PHF6: variants seen among roughly 807,000 people sequenced by gnomAD.
PHF6 encodes the protein PHD-like zinc finger protein.
A neutral mutation model predicts 34.0 loss-of-function variants in PHF6; 7 were observed. That is an observed-to-expected ratio of 0.21 (90% CI 0.12 to 0.39). The LOEUF (loss-of-function observed/expected upper bound fraction) is 0.39, where lower values mean the gene tolerates loss of function less well. PHF6 is among the 10% of genes least tolerant of loss of function. PHF6 has a pLI of 1.00. For synonymous variants in PHF6, 89 were observed against 88.4 expected, an observed-to-expected ratio of 1.01 and a Z score of -0.04; for missense variants, 128 against 262.8, an observed-to-expected ratio of 0.49 and a Z score of 3.55.
At chrX:134,399,097 A>G (rs1280417092) in intron 5 of PHF6, among the ~76,000 whole-genome samples, 3 of 111,366 alleles carry the variant, frequency 2.7e-5, no homozygotes, top group African/African-American at 6.5e-5. Flanking sequence ...GTAGGAGGAA[A>G]GTCAGATTAG....
chrX:134,404,485 T>C (rs2077414892), intron 5 of PHF6, among the ~76,000 whole-genome samples: 1 of 112,165 alleles, frequency 8.9e-6, no homozygotes, highest in Non-Finnish European at 1.9e-5. Context: ...GAAGATGCTG[T>C]GAACATTGTT....
At chrX:134,413,354 T>C in intron 5 of PHF6, 137 bp from the exon 6 acceptor site, 1 of 543,272 alleles carries the variant, frequency 1.8e-6, no homozygotes, top group Non-Finnish European at 2.9e-6. Flanking sequence ...GGTGGCTTTA[T>C]TGAACATACC....
intron 9 of PHF6, chrX:134,419,524 T>A (rs940007599): frequency 8.9e-6 from 1 of 111,797 alleles, no homozygotes; most frequent in East Asian, 2.8e-4. Context: ...AAGTAACGAG[T>A]GCTCTTGGTA....
At chrX:134,394,300 A>T (rs1167886541) in intron 5 of PHF6, among the ~76,000 whole-genome samples, 1 of 109,696 alleles carries the variant, frequency 9.1e-6, no homozygotes, top group East Asian at 2.9e-4. Context: ...TGCCCAGCTA[A>T]TTTTTGTATT....
At chrX:134,414,916 ATCTT>A (rs368361985) in intron 7 of PHF6, 96 bp from the exon 8 acceptor site, 9 of 657,020 alleles carry the variant, frequency 1.4e-5, no homozygotes, top group African/African-American at 8.9e-5. Context: ...AGGAAAGATT[ATCTT>A]TCTTCGGAAA....
At chrX:134,410,955 CTTT>C (rs768638503) in intron 5 of PHF6, among the ~76,000 whole-genome samples, 2 of 90,576 alleles carry the variant, frequency 2.2e-5, no homozygotes, top group Non-Finnish European at 2.2e-5. Context: ...TAACTTACCA[CTTT>C]TTTTTTTTTT....
chrX:134,418,019 A>C (rs1411766242), intron 9 of PHF6: 2 of 111,982 alleles, frequency 1.8e-5, no homozygotes. Context: ...AAGAAGGAAG[A>C]GCTAACCTAG....
At position 134,428,651 on chromosome X, in the gene PHF6, T is replaced by G. The variant is rs1156408816; in HGVS notation, c.*2991T>G. The G allele has an allele frequency of 6.8e-6, 1 of 147,365 alleles. No homozygotes were observed. Among genetic ancestry groups the G allele is most frequent in the African/African-American group, 3.1e-5 (1 of 32,544 alleles). The allele number at this position is 147,365 out of a possible 1,213,427, so 12.1% of individuals were successfully genotyped here. A position where few individuals can be genotyped will look rare whatever the true frequency, so the allele number is the denominator to read the frequency against. ...TAAGGAATGCATTATGGGTCAAAAA[T>G]CAAACATTCCTCTCATGTTATGTAT... On this transcript the variant is annotated 3_prime_UTR_variant, in exon 11 of 11. Transcript: ENST00000370803.
chrX:134,376,627 A>G (rs2077279118), intron 1 of PHF6, among the ~76,000 whole-genome samples: 1 of 111,946 alleles, frequency 8.9e-6, no homozygotes, highest in Admixed American at 9.5e-5. Flanking sequence ...CCTTTACACA[A>G]TATTACTAAT....
chrX:134,405,546 G>A (rs1264751188), intron 5 of PHF6, among the ~76,000 whole-genome samples: 1 of 111,442 alleles, frequency 9.0e-6, no homozygotes, highest in East Asian at 2.8e-4. Flanking sequence ...ACTGTGTTAG[G>A]CATTGTGTAT....
At position 134,427,919 on chromosome X, in the gene PHF6, C is replaced by T. The variant is rs1204828639; in HGVS notation, c.*2259C>T. On this transcript the variant is annotated 3_prime_UTR_variant, in exon 11 of 11. Transcript: ENST00000370803. Reference sequence around the variant, plus strand: ...ATCATCATCTTCTGGGTAGTAATTACATTGTGGTATTAATATTTAGAAAAA... The same window carrying T: ...ATCATCATCTTCTGGGTAGTAATTATATTGTGGTATTAATATTTAGAAAAA... 3 of 153,608 alleles carry T rather than the reference C, an allele frequency of 2.0e-5. No homozygotes were observed. The highest frequency in any genetic ancestry group is 8.5e-5 in the Admixed American group (1 of 11,763). The allele number at this position is 153,608 out of a possible 1,213,427, so 12.7% of individuals were successfully genotyped here.
intron 9 of PHF6, chrX:134,420,266 C>T (rs1431223558): frequency 9.5e-6 from 1 of 105,799 alleles, no homozygotes; most frequent in Non-Finnish European, 1.9e-5. Context: ...CGAGATCGCC[C>T]CACTGCACTC....
chrX:134,404,732 C>G (rs1185064882), intron 5 of PHF6, among the ~76,000 whole-genome samples: 1 of 111,868 alleles, frequency 8.9e-6, no homozygotes, highest in African/African-American at 3.2e-5. Flanking sequence ...AGCCATCCAC[C>G]ACCTTGATCA....
At chrX:134,399,670 GACACACAC>G (rs980086441) in intron 5 of PHF6, among the ~76,000 whole-genome samples, 1 of 92,867 alleles carries the variant, frequency 1.1e-5, no homozygotes, top group Non-Finnish European at 2.2e-5. Flanking sequence ...CACACACACA[GACACACAC>G]ACACACAGAC....
At chrX:134,411,666 A>ATAGATGTC (rs1556018592) in intron 5 of PHF6, among the ~76,000 whole-genome samples, 1 of 111,600 alleles carries the variant, frequency 9.0e-6, no homozygotes, top group South Asian at 3.7e-4. Flanking sequence ...ATACATACAC[A>ATAGATGTC]TAGATGTCTT....
chrX:134,379,412 T>TTTTTCTTTTC, intron 3 of PHF6, among the ~76,000 whole-genome samples: 1 of 86,512 alleles, frequency 1.2e-5, no homozygotes, highest in Non-Finnish European at 2.1e-5. Context: ...TTTTTTTTCC[T>TTTTTCTTTTC]TTTTCTTTTC....
chrX:134,377,656 A>G lies in PHF6; in HGVS notation c.39A>G (p.Arg13=), dbSNP rs1259223307. 22 of 1,209,306 alleles carry G rather than the reference A, an allele frequency of 1.8e-5. No homozygotes were observed. Among genetic ancestry groups the G allele is most frequent in the Non-Finnish European group, 2.5e-5 (22 of 894,832 alleles). The change falls in exon 2 of 11, where the codon AGA becomes AGG. Residue 13 remains arginine (R), a synonymous_variant. Transcript: ENST00000370803. The stretch of plus-strand genomic sequence containing the variant: ...TTGAACAGAAAAAAGGGCCTACAAG[A>G]CAGCGCAAATGTGGCTTTTGTAAGT... The part of the protein sequence containing the change: ...SSVEQKKGPT[R]QRKCGFCKSN...
intron 5 of PHF6, among the ~76,000 whole-genome samples, chrX:134,403,758 C>CA (rs1321876411): frequency 9.0e-6 from 1 of 111,724 alleles, no homozygotes; most frequent in African/African-American, 3.3e-5. Context: ...AACCAATCCT[C>CA]ATTTACCATT....
intron 1 of PHF6, among the ~76,000 whole-genome samples, chrX:134,375,048 G>A: frequency 8.9e-6 from 1 of 111,773 alleles, no homozygotes; most frequent in East Asian, 2.8e-4. Context: ...GACAACATTA[G>A]ATAAAAATCT....
Sources: allele counts gnomAD v4.1 joint callset (sites outside exome capture counted in the v4.1 genomes callset), GRCh38; gene constraint gnomAD v4.1.1; transcripts MANE v1.5; gene names NCBI Gene and HGNC (gene_info 2026-07-23, HGNC 2026-07-21).